The following VPS13A variants were observed in gnomAD, a reference collection of about 807,000 sequenced individuals.
VPS13A encodes the protein intermembrane lipid transfer protein VPS13A.
In VPS13A, 264 loss-of-function variants were observed where a neutral mutation model predicts 390.9. The observed-to-expected ratio is 0.68, with a 90% CI of 0.61 to 0.75. The LOEUF (loss-of-function observed/expected upper bound fraction) is 0.75, where lower values mean the gene tolerates loss of function less well. Among genes scored for constraint, VPS13A ranks in the 30% least tolerant of loss-of-function variants. The probability of loss-of-function intolerance (pLI) is 0.00; values close to 1 mark genes in which losing one functional copy is unlikely to be tolerated. For missense variants in VPS13A, 3,409 were observed against 3,733.9 expected, an observed-to-expected ratio of 0.91 and a Z score of 2.27; for synonymous variants, 1,231 against 1,227.1, an observed-to-expected ratio of 1.00 and a Z score of -0.07.
intron 53 of VPS13A, among the ~76,000 whole-genome samples, chr9:77,352,984 A>G (rs1026049674): frequency 1.4e-4 from 21 of 152,130 alleles, no homozygotes; most frequent in Admixed American, 2.6e-4. Flanking sequence ...AGAACATACA[A>G]TTGAGATACA....
chr9:77,382,220 ATTTACTTAGAT>A (rs1447267714), intron 68 of VPS13A, 133 bp downstream of exon 68: 7 of 1,382,478 alleles, frequency 5.1e-6, no homozygotes, highest in Non-Finnish European at 6.7e-6. Flanking sequence ...AGTTTCTTAT[ATTTACTTAGAT>A]TTTAAAGTAC....
intron 19 of VPS13A, among the ~76,000 whole-genome samples, chr9:77,239,771 T>C (rs1275190671): frequency 6.6e-6 from 1 of 152,014 alleles, no homozygotes; most frequent in African/African-American, 2.4e-5. Flanking sequence ...TTGGTTTTCC[T>C]TGTTTTATTT....
At chr9:77,189,404 A>G (rs1271375509) in intron 1 of VPS13A, among the ~76,000 whole-genome samples, 2 of 151,830 alleles carry the variant, frequency 1.3e-5, no homozygotes, top group Non-Finnish European at 2.9e-5. Flanking sequence ...TTAAAATCAG[A>G]TGGTTGTAGG....
intron 42 of VPS13A, 25 bp downstream of exon 42, chr9:77,319,698 GTA>G (rs145548425): frequency 0.015 from 14,829 of 1,004,428 alleles, no homozygotes; most frequent in Non-Finnish European, 0.016. Context: ...GTCTATGTGT[GTA>G]TATATATATA....
intron 67 of VPS13A, among the ~76,000 whole-genome samples, chr9:77,379,973 A>AT (rs1249479136): frequency 3.3e-5 from 5 of 152,000 alleles, no homozygotes; most frequent in African/African-American, 1.2e-4. Flanking sequence ...TTATGGTGGT[A>AT]TTGCCTTTTT....
At chr9:77,340,035 A>G (rs1830731170) in intron 48 of VPS13A, 124 bp downstream of exon 48, 1 of 1,376,066 alleles carries the variant, frequency 7.3e-7, no homozygotes, top group Admixed American at 2.0e-5. Flanking sequence ...ATTTGAGGCC[A>G]AAAAGATTAG....
At chr9:77,314,900 A>G (rs771083931) in intron 37 of VPS13A, among the ~76,000 whole-genome samples, 6 of 152,200 alleles carry the variant, frequency 3.9e-5, no homozygotes, top group Non-Finnish European at 8.8e-5. Context: ...CAGTGCAATT[A>G]AATTGGTTTT....
At chr9:77,247,760 A>C (rs956320083) in intron 20 of VPS13A, among the ~76,000 whole-genome samples, 2 of 152,174 alleles carry the variant, frequency 1.3e-5, no homozygotes, top group African/African-American at 4.8e-5. Context: ...TCCTAGGTTC[A>C]AGTGATTCTC....
At chr9:77,228,519 T>C (rs1205553489) in intron 17 of VPS13A, among the ~76,000 whole-genome samples, 2 of 152,160 alleles carry the variant, frequency 1.3e-5, no homozygotes, top group African/African-American at 2.4e-5. Context: ...AGAAACAGCA[T>C]TAACAATGTG....
intron 22 of VPS13A, among the ~76,000 whole-genome samples, chr9:77,254,663 A>G (rs1402917531): frequency 6.6e-6 from 1 of 152,216 alleles, no homozygotes; most frequent in African/African-American, 2.4e-5. Flanking sequence ...GTCCATGAAC[A>G]TGGAATATCT....
rs779066797 is a variant in VPS13A at position 77,283,964 on chromosome 9, CT to C, written c.3339+331del. On this transcript the variant is annotated intron_variant, in intron 31 of 71. Coordinates refer to ENST00000360280, the MANE Select transcript of VPS13A (RefSeq NM_033305.3). ...GAGAACCTAGTAAATACCTTTTTCACTTTTTTTTTTTTTTTTTGGTTCATGT... is the reference window on the plus strand; with the variant it reads ...GAGAACCTAGTAAATACCTTTTTCACTTTTTTTTTTTTTTTTGGTTCATGT... Among the ~76,000 whole-genome samples, 9,346 of 129,494 alleles carry C rather than the reference CT, an allele frequency of 0.072. 362 individuals are homozygous for C. Among genetic ancestry groups the C allele is most frequent in the South Asian group, 0.13 (549 of 4,108 alleles). 85.0% of individuals were successfully genotyped at this position (129,494 alleles called of 152,430 possible). A position where few individuals can be genotyped will look rare whatever the true frequency, so the allele number is the denominator to read the frequency against.
chr9:77,313,852 T>A (rs1829231334), intron 35 of VPS13A, 140 bp from the exon 36 acceptor site: 1 of 966,600 alleles, frequency 1.0e-6, no homozygotes, highest in African/African-American at 1.6e-5. Flanking sequence ...GTTTTACATC[T>A]GAATTTTCTA....
chr9:77,407,404 CTT>C, intron 70 of VPS13A, 127 bp from the exon 71 acceptor site: 1 of 678,746 alleles, frequency 1.5e-6, no homozygotes. Flanking sequence ...TCATTCTTGT[CTT>C]TTTTAAGGTG....
chr9:77,198,107 T>G (rs956712397), intron 1 of VPS13A, among the ~76,000 whole-genome samples: 1 of 152,122 alleles, frequency 6.6e-6, no homozygotes, highest in Non-Finnish European at 1.5e-5. Context: ...CCTACAATGC[T>G]GTGTTTTGAT....
At chr9:77,255,687 C>G (rs969775859) in intron 22 of VPS13A, among the ~76,000 whole-genome samples, 20 of 151,958 alleles carry the variant, frequency 1.3e-4, no homozygotes, top group Non-Finnish European at 4.4e-5. Flanking sequence ...GATTCAGTCT[C>G]CATAGTAGTT....
intron 24 of VPS13A, among the ~76,000 whole-genome samples, chr9:77,274,283 C>G (rs1162373835): frequency 1.3e-5 from 2 of 152,042 alleles, no homozygotes; most frequent in Admixed American, 1.3e-4. Context: ...CAAAAATTAG[C>G]TGGGAGTGGT....
intron 68 of VPS13A, chr9:77,384,831 T>A (rs1422902041): frequency 6.8e-7 from 1 of 1,465,896 alleles, no homozygotes. Context: ...AGCAAAATAA[T>A]TGTATTATTT....
At chr9:77,290,327 ATCT>A (rs1350173676) in intron 31 of VPS13A, among the ~76,000 whole-genome samples, 2 of 152,044 alleles carry the variant, frequency 1.3e-5, no homozygotes, top group African/African-American at 4.8e-5. Context: ...ATAATTGGTC[ATCT>A]TTTTTGACTG....
chr9:77,236,828 G>C (rs991207932), intron 17 of VPS13A, among the ~76,000 whole-genome samples: 2 of 152,162 alleles, frequency 1.3e-5, no homozygotes, highest in African/African-American at 4.8e-5. Flanking sequence ...ACGTGGTGTG[G>C]GGATTAGAGG....
Sources: allele counts gnomAD v4.1 joint callset (sites outside exome capture counted in the v4.1 genomes callset), GRCh38; gene constraint gnomAD v4.1.1; transcripts MANE v1.5; gene names NCBI Gene and HGNC (gene_info 2026-07-23, HGNC 2026-07-21).